Variants in TMEM117 observed in about 807,000 individuals in gnomAD.
TMEM117 encodes transmembrane protein 117.
Under a neutral mutation model 52.4 loss-of-function variants are expected in TMEM117, and 27 were observed. The observed-to-expected ratio is 0.51, with a 90% CI of 0.38 to 0.71. TMEM117 has a LOEUF of 0.71. TMEM117 is among the 30% of genes least tolerant of loss of function. The pLI, the probability that TMEM117 is intolerant of heterozygous loss-of-function variation, is 0.00. For missense variants in TMEM117, 556 were observed against 630.5 expected, an observed-to-expected ratio of 0.88 and a Z score of 1.26; for synonymous variants, 215 against 206.3, an observed-to-expected ratio of 1.04 and a Z score of -0.36.
chr12:43,804,329 G>T, the TMEM117 span: 1 of 589,904 alleles, frequency 1.7e-6, no homozygotes, highest in Non-Finnish European at 3.1e-6. Flanking sequence ...AATGAAATTA[G>T]GGGCCCATAG....
intron 5 of TMEM117, among the ~76,000 whole-genome samples, chr12:44,215,987 T>C (rs1224804610): frequency 2.2e-5 from 3 of 137,112 alleles, no homozygotes; most frequent in African/African-American, 3.2e-5. Flanking sequence ...AGGAGCTCCT[T>C]TCTTTCTTTC....
intron 3 of TMEM117, among the ~76,000 whole-genome samples, chr12:44,138,563 T>A (rs1056640924): frequency 1.3e-5 from 2 of 152,194 alleles, no homozygotes; most frequent in African/African-American, 4.8e-5. Flanking sequence ...TATGTCTTCC[T>A]TATAGAACTT....
At chr12:44,225,905 A>G (rs773520304) in intron 5 of TMEM117, among the ~76,000 whole-genome samples, 3 of 152,178 alleles carry the variant, frequency 2.0e-5, no homozygotes, top group African/African-American at 4.8e-5. Context: ...TGCCTTAAAT[A>G]TATACTCACA....
At chr12:43,940,562 A>G (rs1271121904) in intron 2 of TMEM117, among the ~76,000 whole-genome samples, 2 of 150,818 alleles carry the variant, frequency 1.3e-5, no homozygotes, top group Non-Finnish European at 3.0e-5. Flanking sequence ...TTTTTTTGAG[A>G]TGGAGTTTTG....
chr12:43,911,156 C>A (rs1479662164), intron 2 of TMEM117, among the ~76,000 whole-genome samples: 2 of 41,740 alleles, frequency 4.8e-5, no homozygotes, highest in African/African-American at 8.2e-5. Context: ...AGATATAGAT[C>A]AATGGAACAG....
intron 6 of TMEM117, among the ~76,000 whole-genome samples, chr12:44,312,166 G>A (rs963880120): frequency 6.6e-6 from 1 of 151,928 alleles, no homozygotes; most frequent in African/African-American, 2.4e-5. Flanking sequence ...ATCATAGGAT[G>A]ATGATCCTAT....
At chr12:44,326,443 A>G (rs978800284) in intron 6 of TMEM117, among the ~76,000 whole-genome samples, 1 of 152,128 alleles carries the variant, frequency 6.6e-6, no homozygotes, top group African/African-American at 2.4e-5. Flanking sequence ...ATCTTGAGAG[A>G]CCTAGAGAAT....
intron 6 of TMEM117, among the ~76,000 whole-genome samples, chr12:44,321,504 C>T (rs1483730122): frequency 6.6e-6 from 1 of 152,114 alleles, no homozygotes; most frequent in Non-Finnish European, 1.5e-5. Flanking sequence ...GTTGTCTTTC[C>T]TAATCCCTAG....
chr12:44,273,014 A>G (rs895453619), intron 5 of TMEM117, among the ~76,000 whole-genome samples: 1 of 152,222 alleles, frequency 6.6e-6, no homozygotes, highest in Non-Finnish European at 1.5e-5. Flanking sequence ...AATGTGGCAC[A>G]TATACACCAT....
chr12:44,357,029 A>G (rs181322323), intron 6 of TMEM117, among the ~76,000 whole-genome samples: 36 of 152,140 alleles, frequency 2.4e-4, no homozygotes, highest in African/African-American at 7.7e-4. Context: ...CATCCCTATC[A>G]CCCAGATTCA....
At chr12:44,209,016 T>A (rs1054329873) in intron 4 of TMEM117, among the ~76,000 whole-genome samples, 2 of 152,104 alleles carry the variant, frequency 1.3e-5, no homozygotes, top group African/African-American at 4.8e-5. Flanking sequence ...TTAAATCTTT[T>A]AAAAGTCTAA....
At chr12:44,344,550 T>A (rs1210269116) in intron 6 of TMEM117, among the ~76,000 whole-genome samples, 2 of 152,060 alleles carry the variant, frequency 1.3e-5, no homozygotes, top group Admixed American at 1.3e-4. Context: ...TGCACAAGCC[T>A]AATTTGGGCA....
intron 7 of TMEM117, among the ~76,000 whole-genome samples, chr12:44,385,783 A>G (rs1952080028): frequency 6.6e-6 from 1 of 152,066 alleles, no homozygotes; most frequent in African/African-American, 2.4e-5. Flanking sequence ...CATGGAATCT[A>G]CAGATTAGTG....
chr12:44,269,544 T>G (rs1950421174), intron 5 of TMEM117, among the ~76,000 whole-genome samples: 1 of 151,990 alleles, frequency 6.6e-6, no homozygotes, highest in Non-Finnish European at 1.5e-5. Context: ...AATGGCTCCA[T>G]GTTTCTCTCT....
chr12:44,048,272 G>A (rs1371732994), intron 3 of TMEM117, among the ~76,000 whole-genome samples: 3 of 151,674 alleles, frequency 2.0e-5, no homozygotes, highest in African/African-American at 7.3e-5. Context: ...AGGGATTATC[G>A]ATTTTACAAT....
At chr12:43,954,497 C>T (rs1203126372) in intron 3 of TMEM117, among the ~76,000 whole-genome samples, 1 of 151,968 alleles carries the variant, frequency 6.6e-6, no homozygotes, top group Non-Finnish European at 1.5e-5. Context: ...TACAGACAAC[C>T]CTCAGAGAAT....
chr12:44,226,501 A>ATGTGTGTGTGTGTGTGTGTG (rs56709250), intron 5 of TMEM117, among the ~76,000 whole-genome samples: 1,760 of 149,240 alleles, frequency 0.012, 13 homozygotes, highest in Middle Eastern at 0.017. Flanking sequence ...AAATATATAT[A>ATGTGTGTGTGTGTGTGTGTG]TGTGTGTGTG....
At chr12:44,343,445 A>G (rs565527091) in intron 6 of TMEM117, among the ~76,000 whole-genome samples, 1 of 152,232 alleles carries the variant, frequency 6.6e-6, no homozygotes, top group South Asian at 2.1e-4. Flanking sequence ...TTACATCAAA[A>G]GTTAAATAAT....
intron 1 of TMEM117, among the ~76,000 whole-genome samples, chr12:43,842,605 A>T (rs73096923): frequency 0.055 from 8,377 of 152,102 alleles, 262 homozygotes; most frequent in South Asian, 0.071. Context: ...TCTTCCATTG[A>T]CTTACTTCAG....
Sources: allele counts gnomAD v4.1 joint callset (sites outside exome capture counted in the v4.1 genomes callset), GRCh38; gene constraint gnomAD v4.1.1; transcripts MANE v1.5; gene names NCBI Gene and HGNC (gene_info 2026-07-23, HGNC 2026-07-21).